PTPRF: variants seen among roughly 807,000 people sequenced by gnomAD.
PTPRF encodes protein tyrosine phosphatase receptor type F.
PTPRF carries 59 observed loss-of-function variants against 201.8 expected under a neutral mutation model. That is an observed-to-expected ratio of 0.29 (90% confidence interval 0.24 to 0.36). PTPRF has a LOEUF of 0.36. Among genes scored for constraint, PTPRF ranks in the 10% least tolerant of loss-of-function variants. The pLI, the probability that PTPRF is intolerant of heterozygous loss-of-function variation, is 1.00. For synonymous variants in PTPRF, 1,088 were observed against 1,089.7 expected (o/e 1.00, Z 0.03); for missense variants, 2,132 against 2,690.5 (o/e 0.79, Z 4.59).
chr1:43,604,240 G>A (rs765311638), intron 16 of PTPRF, 51 bp downstream of exon 16: 4 of 1,568,332 alleles, frequency 2.6e-6, no homozygotes, highest in African/African-American at 1.3e-5. Flanking sequence ...GCATCTGGGG[G>A]TCTCTGCTCT....
chr1:43,523,916 A>C (rs978203831), upstream of PTPRF, among the ~76,000 whole-genome samples: 6 of 152,060 alleles, frequency 3.9e-5, no homozygotes, highest in African/African-American at 1.4e-4. Context: ...AAAAAAAATT[A>C]GCCAGGCATG....
rs1166926965 is a variant in PTPRF, at chr1:43,559,533, GTGTT to G, written c.379+5594_379+5597del. ...TGTGTTTATATCGGGTAGTGTGTGT[GTGTT>G]TATGTGCAGCAAGGGTGTGCAGTAG... is the stretch of plus-strand genomic sequence containing the variant. On this transcript the variant is annotated intron_variant, in intron 5 of 33. Transcript: ENST00000359947. 4.6e-5 allele frequency among the ~76,000 whole-genome samples: 7 copies of G among 151,834 alleles called. 1 individual carries two copies. Among genetic ancestry groups the G allele is most frequent in the Middle Eastern group, 3.4e-3 (1 of 294 alleles).
chr1:43,588,883 A>T lies in PTPRF; in HGVS notation c.832A>T (p.Met278Leu). The T allele has an allele frequency of 1.9e-6, 3 of 1,613,964 alleles. No homozygotes were observed. Among genetic ancestry groups the T allele is most frequent in the Non-Finnish European group, 2.5e-6 (3 of 1,179,876 alleles). Reference sequence around the variant, plus strand: ...CGAGGAGCTCACCAAGGAGGATGAGATGCCAGTTGGCCGCAACGTCCTGGA... The same window carrying T: ...CGAGGAGCTCACCAAGGAGGATGAGTTGCCAGTTGGCCGCAACGTCCTGGA... The part of the protein sequence containing the change: ...GAEELTKEDE[M>L]PVGRNVLELS... The change falls in exon 8 of 34, where the codon ATG (methionine) becomes TTG (leucine). Residue 278 changes from methionine (M) to leucine (L), a missense_variant. Physicochemically the swap from Met to Leu is conservative, Grantham distance 15. Transcript: ENST00000359947. The surrounding 1 kb of genome is among the most constrained non-coding windows in gnomAD (Gnocchi z 5.3).
intron 23 of PTPRF, among the ~76,000 whole-genome samples, chr1:43,616,105 C>T (rs897884469): frequency 2.0e-5 from 3 of 151,742 alleles, no homozygotes; most frequent in Non-Finnish European, 4.4e-5. Flanking sequence ...GGGTGTGCTG[C>T]GGGGTCTCAC....
At chr1:43,586,913 T>G (rs1649301448) in intron 7 of PTPRF, among the ~76,000 whole-genome samples, 1 of 152,210 alleles carries the variant, frequency 6.6e-6, no homozygotes, top group Non-Finnish European at 1.5e-5. Flanking sequence ...ACCCCATGTA[T>G]GAAGAATGCA....
At chr1:43,574,903 C>T (rs1178015378) in intron 6 of PTPRF, among the ~76,000 whole-genome samples, 1 of 152,256 alleles carries the variant, frequency 6.6e-6, no homozygotes, top group Non-Finnish European at 1.5e-5. Flanking sequence ...CCCTGAATGT[C>T]TCTTGGCCTC....
chr1:43,544,712 C>A (rs1644551889), intron 2 of PTPRF, among the ~76,000 whole-genome samples: 1 of 152,190 alleles, frequency 6.6e-6, no homozygotes, highest in Admixed American at 6.5e-5. Flanking sequence ...CTGGAACACA[C>A]TGTACATCCT....
chr1:43,594,857 G>A (rs918026017), intron 11 of PTPRF, among the ~76,000 whole-genome samples: 49 of 152,322 alleles, frequency 3.2e-4, no homozygotes, highest in African/African-American at 1.1e-3. Context: ...GGGAATCCAG[G>A]GCTGGGCTGG....
chr1:43,582,981 G>T (rs1570294144), intron 7 of PTPRF: 2 of 816,796 alleles, frequency 2.4e-6, no homozygotes, highest in African/African-American at 3.7e-5. Flanking sequence ...GCAGATGAAG[G>T]TTGGCCTGTT....
intron 5 of PTPRF, among the ~76,000 whole-genome samples, chr1:43,559,893 CTG>C (rs61725582): frequency 5.1e-4 from 73 of 144,082 alleles, no homozygotes; most frequent in Non-Finnish European, 4.5e-4. Context: ...ATGTATCAGG[CTG>C]TGTGTGTGTG....
At chr1:43,563,375 G>C (rs1645942509) in intron 5 of PTPRF, among the ~76,000 whole-genome samples, 1 of 152,100 alleles carries the variant, frequency 6.6e-6, no homozygotes, top group South Asian at 2.1e-4. Context: ...GTTGAGCCAG[G>C]TGTGCGCAGG....
At chr1:43,523,884 A>G (rs1643019593), upstream of PTPRF, among the ~76,000 whole-genome samples, 1 of 142,510 alleles carries the variant, frequency 7.0e-6, no homozygotes, top group African/African-American at 2.6e-5. Flanking sequence ...CCCTAAGTCT[A>G]CTAAAGAAAA....
In PTPRF at chr1:43,622,028, C is replaced by A; in HGVS notation, c.*25C>A. The A allele has an allele frequency of 6.2e-7, 1 of 1,611,606 alleles. No individual in the cohort carries two copies. Among genetic ancestry groups the A allele is most frequent in the Non-Finnish European group, 8.5e-7 (1 of 1,178,054 alleles). On this transcript the variant is annotated 3_prime_UTR_variant, in exon 34 of 34. Transcript: ENST00000359947. ...ACTACCGCTCCCCTCTCCTCCGCCACCCCCGCCGTGGGGCTCCGGAGGGGA... is the reference window on the plus strand; with the variant it reads ...ACTACCGCTCCCCTCTCCTCCGCCAACCCCGCCGTGGGGCTCCGGAGGGGA...
At chr1:43,568,398 A>C (rs1646335826) in intron 5 of PTPRF, among the ~76,000 whole-genome samples, 1 of 152,056 alleles carries the variant, frequency 6.6e-6, no homozygotes, top group African/African-American at 2.4e-5. Flanking sequence ...TAGTCTCAAT[A>C]CCTGTCTGCC....
At chr1:43,596,211 C>G (rs1041069599) in intron 11 of PTPRF, among the ~76,000 whole-genome samples, 2 of 152,084 alleles carry the variant, frequency 1.3e-5, no homozygotes, top group Non-Finnish European at 2.9e-5. Context: ...TGCCCGGGGC[C>G]TGGAGTGACT....
chr1:43,603,700 C>G lies in PTPRF; in HGVS notation c.2548C>G (p.Leu850Val). 1 of 1,613,718 alleles carries G rather than the reference C, an allele frequency of 6.2e-7. No individual in the cohort carries two copies. The highest frequency in any genetic ancestry group is 1.1e-5 in the South Asian group (1 of 91,076). The change falls in exon 16 of 34, where the codon CTG (leucine) becomes GTG (valine). Residue 850 changes from leucine to valine, a missense_variant. Leu to Val is a conservative substitution (Grantham distance 32). Transcript: ENST00000359947. The surrounding 1 kb of genome is among the most constrained non-coding windows in gnomAD (Gnocchi z 5.8). ...WHPPKELPGE[L>V]LGYRLQYCRA... ...CCCACCCAAGGAACTGCCTGGCGAG[C>G]TGCTGGGCTACCGGCTGCAGTACTG...
upstream of PTPRF, among the ~76,000 whole-genome samples, chr1:43,523,467 G>A (rs980344305): frequency 1.5e-4 from 23 of 152,262 alleles, no homozygotes; most frequent in Non-Finnish European, 3.1e-4. Flanking sequence ...GGATGACCCC[G>A]CCAAGGAGAC....
intron 14 of PTPRF, among the ~76,000 whole-genome samples, 164 bp downstream of exon 14, chr1:43,602,261 G>A (rs1474975720): frequency 6.6e-6 from 1 of 152,242 alleles, no homozygotes; most frequent in African/African-American, 2.4e-5. Context: ...GAGCTGAGCA[G>A]CGATTGGCAT....
At chr1:43,583,088 G>A (rs1648160408) in intron 7 of PTPRF, 12 of 985,698 alleles carry the variant, frequency 1.2e-5, no homozygotes, top group South Asian at 4.7e-5. Flanking sequence ...TCAGATCAGC[G>A]AGAAGGTTGG....
Sources: gnomAD v4.1 joint callset for allele counts (sites outside exome capture counted in the v4.1 genomes callset) on GRCh38, gnomAD v4.1.1 for gene constraint, Gnocchi (gnomAD v3.1) non-coding constraint, MANE v1.5 for transcripts, NCBI Gene and HGNC (gene_info 2026-07-23, HGNC 2026-07-21) for gene names.